MEI4: variants seen among roughly 807,000 people sequenced by gnomAD.
MEI4 encodes the protein meiosis-specific protein MEI4.
Under a neutral mutation model 31.4 loss-of-function variants are expected in MEI4, and 27 were observed. The observed-to-expected ratio is 0.86, with a 90% CI of 0.63 to 1.19. The LOEUF (loss-of-function observed/expected upper bound fraction) is 1.19, where lower values mean the gene tolerates loss of function less well. Ranked by LOEUF, MEI4 falls within the 50% of genes most tolerant of loss-of-function variation. The pLI is 0.00. For missense variants in MEI4, 329 were observed against 398.9 expected (o/e 0.82, Z 1.49); for synonymous variants, 122 against 145.4 (o/e 0.84, Z 1.16).
At chr6:77,652,438 G>T (rs79779758), upstream of MEI4, among the ~76,000 whole-genome samples, 10,871 of 152,146 alleles carry the variant, frequency 0.071, 509 homozygotes, top group African/African-American at 0.13. Flanking sequence ...TCAGGTGGGG[G>T]TGATTGTGTA....
chr6:77,735,205 C>G (rs917606862), intron 2 of MEI4, among the ~76,000 whole-genome samples: 1 of 151,976 alleles, frequency 6.6e-6, no homozygotes, highest in Non-Finnish European at 1.5e-5. Context: ...GGGAAGTTCT[C>G]CTGGATAATA....
At chr6:77,910,489 A>G (rs530998627) in intron 4 of MEI4, among the ~76,000 whole-genome samples, 27 of 152,270 alleles carry the variant, frequency 1.8e-4, no homozygotes, top group African/African-American at 4.8e-4. Flanking sequence ...TAGGAATCCA[A>G]CTTACAAGGG....
Position 77,755,825 on chromosome 6 carries a change from G to GGTGTGTGTGTGTGTGT in MEI4, c.233-5290_233-5275dup, listed in dbSNP as rs34181852. Among the ~76,000 whole-genome samples the GGTGTGTGTGTGTGTGT allele has an allele frequency of 2.3e-3, 332 of 145,256 alleles. 2 individuals are homozygous for GGTGTGTGTGTGTGTGT. The highest frequency in any genetic ancestry group is 7.8e-3 in the African/African-American group (311 of 39,776). On this transcript the variant is annotated intron_variant, in intron 2 of 4. Coordinates refer to ENST00000684080, the MANE Select transcript of MEI4 (RefSeq NM_001322247.2). ...AATATGTGTCAAATTGTGCTGGAATGGTGTGTGTGTGTGTGTGTGTGTGTG... is the reference window on the plus strand; with the variant it reads ...AATATGTGTCAAATTGTGCTGGAATGGTGTGTGTGTGTGTGTGTGTGTGTGTGTGTGTGTGTGTGTG...
chr6:77,744,978 A>T (rs1288118821), intron 2 of MEI4, among the ~76,000 whole-genome samples: 1 of 152,232 alleles, frequency 6.6e-6, no homozygotes, highest in African/African-American at 2.4e-5. Flanking sequence ...AGCACTAAAC[A>T]TGGAAAGGAA....
At chr6:77,867,119 C>T (rs952272939) in intron 4 of MEI4, among the ~76,000 whole-genome samples, 2 of 152,134 alleles carry the variant, frequency 1.3e-5, no homozygotes, top group African/African-American at 4.8e-5. Context: ...ACCATAAAAA[C>T]CCTAGAAGAA....
intron 4 of MEI4, among the ~76,000 whole-genome samples, chr6:77,894,255 CTTTG>C (rs1766034231): frequency 6.6e-6 from 1 of 151,788 alleles, no homozygotes; most frequent in African/African-American, 2.4e-5. Context: ...TATGATATTT[CTTTG>C]TTCTAAAAAG....
At chr6:77,775,869 T>C (rs531021209) in intron 3 of MEI4, among the ~76,000 whole-genome samples, 32 of 152,270 alleles carry the variant, frequency 2.1e-4, no homozygotes, top group African/African-American at 7.2e-4. Context: ...ATTATTTTTC[T>C]ATTTTTCGGC....
At chr6:77,788,565 C>A (rs1455972259) in intron 3 of MEI4, among the ~76,000 whole-genome samples, 1 of 152,062 alleles carries the variant, frequency 6.6e-6, no homozygotes, top group African/African-American at 2.4e-5. Context: ...TCTCAGGATA[C>A]AAAATCAATG....
intron 2 of MEI4, among the ~76,000 whole-genome samples, chr6:77,756,537 CT>C (rs71697285): frequency 0.1 from 15,463 of 151,342 alleles, 956 homozygotes; most frequent in Non-Finnish European, 0.14. Flanking sequence ...ATATTATTGG[CT>C]TTTTTTTAGC....
chr6:77,751,488 C>G (rs1426086653), intron 2 of MEI4, among the ~76,000 whole-genome samples: 2 of 151,938 alleles, frequency 1.3e-5, no homozygotes, highest in East Asian at 3.9e-4. Flanking sequence ...AATTTGCAAC[C>G]TCTATGCAAA....
At chr6:77,710,889 C>T (rs1454473423) in intron 2 of MEI4, among the ~76,000 whole-genome samples, 2 of 152,102 alleles carry the variant, frequency 1.3e-5, no homozygotes, top group East Asian at 3.8e-4. Context: ...TATAGTCAAC[C>T]CAAATGCCCT....
At chr6:77,881,266 C>T (rs1771482647) in intron 4 of MEI4, among the ~76,000 whole-genome samples, 1 of 152,042 alleles carries the variant, frequency 6.6e-6, no homozygotes, top group Non-Finnish European at 1.5e-5. Flanking sequence ...TATGGGTATC[C>T]AACAAGAGAA....
intron 4 of MEI4, among the ~76,000 whole-genome samples, chr6:77,851,498 C>T (rs1419471262): frequency 1.3e-5 from 2 of 151,808 alleles, no homozygotes; most frequent in Non-Finnish European, 2.9e-5. Flanking sequence ...ATGGATGAAG[C>T]TGGAAACCAT....
chr6:77,857,101 G>GT (rs949703361), intron 4 of MEI4, among the ~76,000 whole-genome samples: 4 of 151,808 alleles, frequency 2.6e-5, no homozygotes, highest in Middle Eastern at 3.4e-3. Flanking sequence ...TCTCCCAGCA[G>GT]TTTTTTTTAG....
intron 3 of MEI4, among the ~76,000 whole-genome samples, chr6:77,805,622 T>C (rs994143023): frequency 2.0e-5 from 3 of 152,150 alleles, no homozygotes; most frequent in Non-Finnish European, 2.9e-5. Context: ...ATTAGTGTCT[T>C]AGACCAGGAA....
chr6:77,677,820 GTTTTA>G (rs932596991), intron 1 of MEI4, among the ~76,000 whole-genome samples: 12 of 152,072 alleles, frequency 7.9e-5, no homozygotes, highest in African/African-American at 2.7e-4. Context: ...TATCTCAAAA[GTTTTA>G]TTTTAAGATA....
At chr6:77,849,611 A>G (rs1770568329) in intron 4 of MEI4, among the ~76,000 whole-genome samples, 1 of 152,214 alleles carries the variant, frequency 6.6e-6, no homozygotes, top group African/African-American at 2.4e-5. Context: ...TACTCAAATA[A>G]TGCAAGTAAG....
chr6:77,731,463 T>C (rs1337418754), intron 2 of MEI4, among the ~76,000 whole-genome samples: 5 of 151,120 alleles, frequency 3.3e-5, no homozygotes, highest in African/African-American at 1.2e-4. Context: ...TTGCCCACTT[T>C]TTGATGGGGT....
chr6:77,863,955 C>T (rs1201457997), intron 4 of MEI4, among the ~76,000 whole-genome samples: 1 of 152,070 alleles, frequency 6.6e-6, no homozygotes, highest in Non-Finnish European at 1.5e-5. Flanking sequence ...AATTTTGAAC[C>T]CAGAATTTCA....
Sources: gnomAD v4.1 joint callset for allele counts (sites outside exome capture counted in the v4.1 genomes callset) on GRCh38, gnomAD v4.1.1 for gene constraint, MANE v1.5 for transcripts, NCBI Gene and HGNC (gene_info 2026-07-23, HGNC 2026-07-21) for gene names.